The following CNOT10 variants were observed in gnomAD, a reference collection of about 807,000 sequenced individuals.
CNOT10 encodes the protein CCR4-NOT transcription complex, subunit 10.
In CNOT10, 30 loss-of-function variants were observed where a neutral mutation model predicts 94.6. The observed-to-expected ratio is 0.32, with a 90% CI of 0.24 to 0.43. The LOEUF (loss-of-function observed/expected upper bound fraction) is 0.43, where lower values mean the gene tolerates loss of function less well. Among genes scored for constraint, CNOT10 ranks in the 20% least tolerant of loss-of-function variants. CNOT10 has a pLI of 1.00. For missense variants in CNOT10, 759 were observed against 877.2 expected (o/e 0.87, Z 1.70); for synonymous variants, 289 against 301.6 (o/e 0.96, Z 0.43).
chr3:32,733,644 A>T (rs1196389215), intron 11 of CNOT10, 100 bp downstream of exon 11: 1 of 752,046 alleles, frequency 1.3e-6, no homozygotes, highest in African/African-American at 1.8e-5. Context: ...ATTGCATAGG[A>T]GGAACCACTT....
intron 10 of CNOT10, among the ~76,000 whole-genome samples, chr3:32,729,784 T>TGAGACG (rs1698852157): frequency 7.1e-6 from 1 of 140,700 alleles, no homozygotes; most frequent in Non-Finnish European, 1.5e-5. Flanking sequence ...TTTTTTTTTT[T>TGAGACG]TTGAGACGGA....
chr3:32,695,472 G>A, intron 1 of CNOT10: 1 of 1,149,306 alleles, frequency 8.7e-7, no homozygotes, highest in Non-Finnish European at 1.2e-6. Flanking sequence ...TTTGATGAGT[G>A]TAGCTTGTAG....
intron 14 of CNOT10, among the ~76,000 whole-genome samples, chr3:32,761,106 G>T (rs1223582693): frequency 6.6e-6 from 1 of 152,088 alleles, no homozygotes. Context: ...TCCAAACTGG[G>T]TGACAGAGTG....
At position 32,724,328 on chromosome 3, in the gene CNOT10, C is replaced by G. The variant is rs559873200; in HGVS notation, c.863-1122C>G. 3.8e-4 allele frequency among the ~76,000 whole-genome samples: 58 copies of G among 151,284 alleles called. 1 individual carries two copies. In the South Asian group the frequency reaches 0.012, roughly 30 times the overall value. On this transcript the variant is annotated intron_variant, in intron 8 of 18. Coordinates refer to ENST00000328834, the MANE Select transcript of CNOT10 (RefSeq NM_015442.3). ...TGGTGCGATCTCGGCTCACTGCAAC[C>G]TCTGCCCTCTAGGGCCAAGCAATTC...
intron 4 of CNOT10, among the ~76,000 whole-genome samples, chr3:32,709,641 T>C (rs1697781454): frequency 6.6e-6 from 1 of 152,126 alleles, no homozygotes. Context: ...GTGCTTCTCT[T>C]CTTTCCCTCA....
intron 1 of CNOT10, among the ~76,000 whole-genome samples, chr3:32,702,895 A>T (rs1488630356): frequency 1.3e-5 from 2 of 151,122 alleles, no homozygotes; most frequent in African/African-American, 4.9e-5. Flanking sequence ...TTATAACATT[A>T]ATCAGTCATT....
chr3:32,690,062 T>TA (rs759630891), intron 1 of CNOT10, among the ~76,000 whole-genome samples: 16 of 152,186 alleles, frequency 1.1e-4, no homozygotes, highest in Non-Finnish European at 1.9e-4. Flanking sequence ...TGTTGGGCGT[T>TA]ACAGGCCATG....
intron 8 of CNOT10, among the ~76,000 whole-genome samples, 173 bp downstream of exon 8, chr3:32,720,404 G>T (rs566677255): frequency 1.3e-5 from 2 of 152,178 alleles, no homozygotes; most frequent in South Asian, 2.1e-4. Context: ...TACTTTAGAA[G>T]AAACCTCATT....
chr3:32,758,441 G>C (rs953109191), intron 13 of CNOT10, among the ~76,000 whole-genome samples: 1 of 152,192 alleles, frequency 6.6e-6, no homozygotes, highest in African/African-American at 2.4e-5. Flanking sequence ...TTGCCCAGCT[G>C]TGCTTTTTAT....
intron 14 of CNOT10, among the ~76,000 whole-genome samples, chr3:32,760,903 C>G (rs116229559): frequency 0.084 from 12,792 of 151,694 alleles, 664 homozygotes; most frequent in Middle Eastern, 0.19. Flanking sequence ...CCTACCTGGG[C>G]AAATCATTTG....
At chr3:32,710,872 C>A (rs529085453) in intron 4 of CNOT10, among the ~76,000 whole-genome samples, 4 of 152,264 alleles carry the variant, frequency 2.6e-5, no homozygotes, top group African/African-American at 9.6e-5. Flanking sequence ...AGTCACGCGC[C>A]ACCACACCCA....
At chr3:32,718,394 T>C (rs1442631984) in intron 7 of CNOT10, among the ~76,000 whole-genome samples, 1 of 147,790 alleles carries the variant, frequency 6.8e-6, no homozygotes, top group African/African-American at 2.5e-5. Flanking sequence ...ACCATCCTGG[T>C]TAACACAGTG....
intron 1 of CNOT10, chr3:32,693,651 C>G (rs751986099): frequency 1.4e-4 from 22 of 152,098 alleles, no homozygotes; most frequent in Non-Finnish European, 3.2e-4. Flanking sequence ...AAGCGATCCT[C>G]CCACCTCAGC....
intron 8 of CNOT10, among the ~76,000 whole-genome samples, chr3:32,722,848 A>T (rs757083403): frequency 7.9e-5 from 12 of 151,974 alleles, no homozygotes; most frequent in Admixed American, 2.6e-4. Flanking sequence ...GCCAGGCGTG[A>T]TGGCATGCGC....
At chr3:32,687,042 CTG>C (rs1452355709) in intron 1 of CNOT10, among the ~76,000 whole-genome samples, 1 of 152,064 alleles carries the variant, frequency 6.6e-6, no homozygotes, top group Non-Finnish European at 1.5e-5. Context: ...GATTAGGGGA[CTG>C]TTTTTTTCAT....
chr3:32,751,240 A>AG (rs1051429436), intron 13 of CNOT10, among the ~76,000 whole-genome samples: 75 of 152,196 alleles, frequency 4.9e-4, no homozygotes, highest in African/African-American at 1.8e-3. Flanking sequence ...AGCTGGGACT[A>AG]CAGATGTGCA....
intron 13 of CNOT10, among the ~76,000 whole-genome samples, chr3:32,738,324 A>G (rs189402828): frequency 1.7e-4 from 26 of 152,312 alleles, no homozygotes; most frequent in Admixed American, 5.2e-4. Context: ...CTGAACTAAT[A>G]AAAAGGACAG....
intron 8 of CNOT10, among the ~76,000 whole-genome samples, chr3:32,723,184 G>C (rs1446647424): frequency 1.3e-5 from 2 of 151,848 alleles, no homozygotes; most frequent in Admixed American, 1.3e-4. Context: ...ACAAGGCCAG[G>C]AGATAAAGAC....
chr3:32,754,489 A>AAAAATATATAT lies in CNOT10; in HGVS notation c.1596-4968_1596-4967insAAATATATATA, dbSNP rs77878221. ...AAGACTCCGTCTCAAAAAAAAAAAAAATACATATATATATATATATTTATT... is the reference window on the plus strand; with the variant it reads ...AAGACTCCGTCTCAAAAAAAAAAAAAAAAATATATATATACATATATATATATATATTTATT... On this transcript the variant is annotated intron_variant, in intron 13 of 18. Transcript: ENST00000328834. 2.1e-4 allele frequency among the ~76,000 whole-genome samples: 15 copies of AAAAATATATAT among 70,192 alleles called. 1 individual carries two copies. The highest frequency in any genetic ancestry group is 4.6e-4 in the Admixed American group (2 of 4,342). The allele number at this position is 70,192 out of a possible 152,430, so 46.0% of individuals were successfully genotyped here. A position where few individuals can be genotyped will look rare whatever the true frequency, so the allele number is the denominator to read the frequency against.
Sources: allele counts gnomAD v4.1 joint callset (sites outside exome capture counted in the v4.1 genomes callset), GRCh38; gene constraint gnomAD v4.1.1; transcripts MANE v1.5; gene names NCBI Gene and HGNC (gene_info 2026-07-23, HGNC 2026-07-21).